SLIT3: variants seen among roughly 807,000 people sequenced by gnomAD.
SLIT3 encodes the protein slit guidance ligand 3, also known as slit homolog 3 protein.
In SLIT3, 68 loss-of-function variants were observed where a neutral mutation model predicts 184.0. The ratio of observed to expected loss-of-function variants is 0.37; its 90% CI spans 0.30 to 0.45. The LOEUF is 0.45. Ranked by LOEUF, SLIT3 falls within the 20% of genes least tolerant of loss-of-function variation. The probability of loss-of-function intolerance (pLI) is 1.00; values close to 1 mark genes in which losing one functional copy is unlikely to be tolerated. For missense variants in SLIT3, 1,707 were observed against 2,026.0 expected (o/e 0.84, Z 3.02); for synonymous variants, 831 against 828.6 (o/e 1.00, Z -0.05).
chr5:169,002,021 A>G (rs1755719650), intron 4 of SLIT3, among the ~76,000 whole-genome samples: 1 of 152,042 alleles, frequency 6.6e-6, no homozygotes. Flanking sequence ...TAATTATAGG[A>G]AAAAGCAATG....
intron 23 of SLIT3, among the ~76,000 whole-genome samples, chr5:168,718,484 T>C (rs1307448931): frequency 6.6e-6 from 1 of 152,112 alleles, no homozygotes; most frequent in African/African-American, 2.4e-5. Context: ...GGCATGTGAC[T>C]TGGTGTGGAG....
intron 4 of SLIT3, among the ~76,000 whole-genome samples, chr5:168,952,906 A>G (rs981520221): frequency 2.0e-5 from 3 of 152,194 alleles, no homozygotes; most frequent in African/African-American, 4.8e-5. Context: ...ATAGCCAAAG[A>G]GCAGGGAGGG....
chr5:168,672,723 C>G (rs1012738529), intron 33 of SLIT3, among the ~76,000 whole-genome samples: 1 of 152,216 alleles, frequency 6.6e-6, no homozygotes, highest in Non-Finnish European at 1.5e-5. Flanking sequence ...ATCCTCCCAC[C>G]TCAGCCTCCC....
At chr5:168,678,649 C>T (rs1761487573) in intron 32 of SLIT3, among the ~76,000 whole-genome samples, 1 of 152,038 alleles carries the variant, frequency 6.6e-6, no homozygotes, top group South Asian at 2.1e-4. Context: ...CGCTACTGCA[C>T]TCCAGCCCGG....
chr5:168,748,193 C>A, intron 20 of SLIT3, 109 bp downstream of exon 20: 1 of 1,274,084 alleles, frequency 7.8e-7, no homozygotes, highest in Non-Finnish European at 1.0e-6. Context: ...GTAGGGTCTC[C>A]CCCCGGCAGT....
intron 5 of SLIT3, among the ~76,000 whole-genome samples, chr5:168,874,181 C>T (rs555798677): frequency 5.9e-5 from 9 of 151,554 alleles, no homozygotes; most frequent in South Asian, 2.1e-4. Context: ...AAAAAAAATT[C>T]GTCCACAAAT....
intron 1 of SLIT3, among the ~76,000 whole-genome samples, chr5:169,289,878 T>C (rs1354262715): frequency 6.6e-6 from 1 of 152,174 alleles, no homozygotes; most frequent in African/African-American, 2.4e-5. Flanking sequence ...AGTTAGGGCA[T>C]TCACTAGGGC....
intron 4 of SLIT3, among the ~76,000 whole-genome samples, chr5:169,116,596 T>C (rs375102951): frequency 7.2e-5 from 11 of 152,330 alleles, no homozygotes; most frequent in African/African-American, 2.6e-4. Context: ...ACTGGAAAGA[T>C]CTAGGCAACC....
intron 4 of SLIT3, among the ~76,000 whole-genome samples, chr5:169,144,452 G>A (rs993631690): frequency 2.0e-5 from 3 of 152,124 alleles, no homozygotes; most frequent in South Asian, 2.1e-4. Flanking sequence ...ATTAACATCC[G>A]GCTCTCCCAC....
intron 26 of SLIT3, chr5:168,706,475 C>A (rs1267751900): frequency 6.6e-6 from 1 of 152,102 alleles, no homozygotes; most frequent in African/African-American, 2.4e-5. Flanking sequence ...TGCTGTTAAT[C>A]TCTATTCTCC....
At chr5:169,164,698 G>A (rs1762580047) in intron 4 of SLIT3, among the ~76,000 whole-genome samples, 1 of 152,164 alleles carries the variant, frequency 6.6e-6, no homozygotes, top group Non-Finnish European at 1.5e-5. Context: ...TGTTCTCTAG[G>A]TCCATGGCTG....
chr5:168,713,382 C>T (rs557544736), intron 23 of SLIT3, among the ~76,000 whole-genome samples: 41 of 152,218 alleles, frequency 2.7e-4, no homozygotes, highest in Non-Finnish European at 5.4e-4. Context: ...TCAATGAACA[C>T]TGCTCCGTGC....
chr5:169,255,465 T>C lies in SLIT3; in HGVS notation c.198-4006A>G, dbSNP rs187503232. ...TGTCTTAGTTTTTAATAAAAAAGTTTAAAAAGTAAAAAAAGTTTATAAAAT... is the reference window on the plus strand; with the variant it reads ...TGTCTTAGTTTTTAATAAAAAAGTTCAAAAAGTAAAAAAAGTTTATAAAAT... On this transcript the variant is annotated intron_variant, in intron 1 of 35. Transcript: ENST00000519560. Among the ~76,000 whole-genome samples the C allele has an allele frequency of 5.0e-4, 76 of 152,246 alleles. 1 individual carries two copies. The East Asian group carries it at 0.013, about 27-fold the overall frequency.
intron 4 of SLIT3, among the ~76,000 whole-genome samples, chr5:169,146,741 A>T (rs767531551): frequency 1.3e-5 from 2 of 152,150 alleles, no homozygotes; most frequent in Non-Finnish European, 2.9e-5. Flanking sequence ...TCAAACCAAT[A>T]TAATCCTGAG....
At chr5:169,288,139 G>T (rs1463715607) in intron 1 of SLIT3, among the ~76,000 whole-genome samples, 1 of 152,116 alleles carries the variant, frequency 6.6e-6, no homozygotes, top group Non-Finnish European at 1.5e-5. Flanking sequence ...AGGGAAGCTG[G>T]CCCCCTAAAG....
chr5:168,896,022 A>G (rs1040292800), intron 4 of SLIT3, among the ~76,000 whole-genome samples: 1 of 152,174 alleles, frequency 6.6e-6, no homozygotes, highest in Non-Finnish European at 1.5e-5. Flanking sequence ...AGAGAAAAGG[A>G]CCTCCAAGGT....
chr5:168,708,196 C>G, intron 25 of SLIT3, 96 bp from the exon 26 acceptor site: 2 of 1,547,132 alleles, frequency 1.3e-6, no homozygotes, highest in Non-Finnish European at 1.8e-6. Context: ...TCAGCCAGCG[C>G]CAGCCCCTTC....
intron 4 of SLIT3, among the ~76,000 whole-genome samples, chr5:168,903,229 T>C (rs1760929132): frequency 6.6e-6 from 1 of 152,186 alleles, no homozygotes; most frequent in Non-Finnish European, 1.5e-5. Flanking sequence ...TTCAGTTCTC[T>C]GCAGTGAGGG....
chr5:168,725,539 G>A (rs1561895612), intron 20 of SLIT3, among the ~76,000 whole-genome samples: 3 of 152,194 alleles, frequency 2.0e-5, no homozygotes, highest in South Asian at 4.2e-4. Flanking sequence ...TCAACACATA[G>A]CCACTGCTGT....
Sources: allele counts gnomAD v4.1 joint callset (sites outside exome capture counted in the v4.1 genomes callset), GRCh38; gene constraint gnomAD v4.1.1; transcripts MANE v1.5; gene names NCBI Gene and HGNC (gene_info 2026-07-23, HGNC 2026-07-21).